The following MCC variants were observed in gnomAD, a reference collection of about 807,000 sequenced individuals.
The protein encoded by MCC is MCC regulator of Wnt signaling pathway, also known as colorectal mutant cancer protein.
A neutral mutation model predicts 116.2 loss-of-function variants in MCC; 90 were observed. That is an observed-to-expected ratio of 0.77 (90% CI 0.65 to 0.92). The LOEUF is 0.92. MCC is among the 40% of genes least tolerant of loss of function. The probability of loss-of-function intolerance (pLI) is 0.00; values close to 1 mark genes in which losing one functional copy is unlikely to be tolerated. For missense variants in MCC, 1,516 were observed against 1,312.2 expected (o/e 1.16, Z -2.40); for synonymous variants, 578 against 510.5 (o/e 1.13, Z -1.78).
At chr5:113,078,117 T>C (rs1456971927) in intron 11 of MCC, among the ~76,000 whole-genome samples, 1 of 152,198 alleles carries the variant, frequency 6.6e-6, no homozygotes, top group East Asian at 1.9e-4. Flanking sequence ...AGGAGTTGAA[T>C]CCCTGAATAG....
At chr5:113,120,667 C>T (rs890227840) in intron 6 of MCC, among the ~76,000 whole-genome samples, 8 of 152,306 alleles carry the variant, frequency 5.3e-5, no homozygotes, top group East Asian at 1.9e-4. Context: ...AACATGCTTC[C>T]GCCTAGTGGA....
At chr5:113,107,447 ACC>A (rs1340707007) in intron 6 of MCC, among the ~76,000 whole-genome samples, 2 of 151,992 alleles carry the variant, frequency 1.3e-5, no homozygotes, top group African/African-American at 4.8e-5. Flanking sequence ...CGAACTCCTG[ACC>A]TCAGTGCTTT....
At chr5:113,229,563 T>G (rs1376731581) in intron 3 of MCC, among the ~76,000 whole-genome samples, 1 of 152,168 alleles carries the variant, frequency 6.6e-6, no homozygotes, top group Non-Finnish European at 1.5e-5. Context: ...CTGCATGGGT[T>G]TAGGATACAA....
At chr5:113,260,818 T>C (rs1006320629) in intron 3 of MCC, among the ~76,000 whole-genome samples, 1 of 152,068 alleles carries the variant, frequency 6.6e-6, no homozygotes, top group Non-Finnish European at 1.5e-5. Context: ...TCTTCAGTAC[T>C]GGGAAGCTGT....
At chr5:113,417,400 T>C (rs1313670901) in intron 1 of MCC, among the ~76,000 whole-genome samples, 2 of 152,228 alleles carry the variant, frequency 1.3e-5, no homozygotes, top group Non-Finnish European at 2.9e-5. Flanking sequence ...AAGCTACCAG[T>C]GGCCATGCTT....
chr5:113,101,701 C>G, intron 8 of MCC, 38 bp downstream of exon 8: 3 of 1,606,808 alleles, frequency 1.9e-6, no homozygotes, highest in Non-Finnish European at 2.5e-6. Context: ...GCCCCATGCC[C>G]AGGAAGGGCC....
At chr5:113,339,607 G>A (rs1767961512) in intron 3 of MCC, among the ~76,000 whole-genome samples, 1 of 152,002 alleles carries the variant, frequency 6.6e-6, no homozygotes, top group Non-Finnish European at 1.5e-5. Flanking sequence ...GAGGAGTTTT[G>A]GTTACGTATT....
At chr5:113,432,067 C>T (rs1183463351) in intron 1 of MCC, among the ~76,000 whole-genome samples, 4 of 151,892 alleles carry the variant, frequency 2.6e-5, no homozygotes, top group African/African-American at 7.3e-5. Flanking sequence ...ACCCGGGAGG[C>T]GGAGGTTTTG....
chr5:113,197,701 A>C (rs1762480580), intron 3 of MCC, among the ~76,000 whole-genome samples: 2 of 152,186 alleles, frequency 1.3e-5, no homozygotes. Flanking sequence ...TATTCCATTC[A>C]AACCTCACAG....
chr5:113,139,905 A>G (rs1759080458), intron 5 of MCC, among the ~76,000 whole-genome samples: 1 of 152,106 alleles, frequency 6.6e-6, no homozygotes, highest in African/African-American at 2.4e-5. Context: ...CAACAGCAAA[A>G]AAGCAAAAAT....
chr5:113,172,742 C>T (rs944115582), intron 3 of MCC, among the ~76,000 whole-genome samples: 8 of 152,196 alleles, frequency 5.3e-5, no homozygotes, highest in African/African-American at 1.7e-4. Context: ...AGAACAAATT[C>T]GTGGAAATAG....
intron 7 of MCC, 28 bp from the exon 8 acceptor site, chr5:113,101,973 C>G: frequency 6.2e-7 from 1 of 1,610,716 alleles, no homozygotes; most frequent in Non-Finnish European, 8.5e-7. Context: ...AAAGAAAAGT[C>G]AAGTAAGTTA....
chr5:113,370,333 GTTC>G (rs1463422786), intron 2 of MCC, among the ~76,000 whole-genome samples: 1 of 152,196 alleles, frequency 6.6e-6, no homozygotes, highest in African/African-American at 2.4e-5. Context: ...ATGGAAGCCT[GTTC>G]TTCTTTGACA....
intron 1 of MCC, among the ~76,000 whole-genome samples, chr5:113,396,571 G>A (rs2150397165): frequency 6.6e-6 from 1 of 152,182 alleles, no homozygotes; most frequent in East Asian, 1.9e-4. Context: ...AAGATGCAGA[G>A]GCTGCAGTGA....
intron 3 of MCC, among the ~76,000 whole-genome samples, chr5:113,291,208 C>T (rs1199585254): frequency 6.6e-6 from 1 of 152,198 alleles, no homozygotes. Context: ...TCATGCCCAA[C>T]ACCCATCCCT....
At chr5:113,409,321 G>A (rs77969335) in intron 1 of MCC, among the ~76,000 whole-genome samples, 4 of 151,904 alleles carry the variant, frequency 2.6e-5, no homozygotes, top group African/African-American at 7.3e-5. Context: ...CAACAAAAAC[G>A]CAACATCCAC....
intron 16 of MCC, among the ~76,000 whole-genome samples, chr5:113,043,956 G>T (rs183578864): frequency 6.6e-6 from 1 of 152,020 alleles, no homozygotes; most frequent in Non-Finnish European, 1.5e-5. Context: ...TCTGAGGCAG[G>T]AACTATCATT....
At chr5:113,384,449 G>A (rs920119115) in intron 2 of MCC, among the ~76,000 whole-genome samples, 11 of 152,074 alleles carry the variant, frequency 7.2e-5, no homozygotes, top group African/African-American at 1.7e-4. Context: ...TTAGCTGGGC[G>A]TGGTAGCAGG....
intron 3 of MCC, among the ~76,000 whole-genome samples, chr5:113,294,136 T>C (rs1766620042): frequency 6.6e-6 from 1 of 152,140 alleles, no homozygotes; most frequent in Non-Finnish European, 1.5e-5. Context: ...ATCAAGCCAG[T>C]TCAGGTCATT....
Sources: allele counts gnomAD v4.1 joint callset (sites outside exome capture counted in the v4.1 genomes callset), GRCh38; gene constraint gnomAD v4.1.1; transcripts MANE v1.5; gene names NCBI Gene and HGNC (gene_info 2026-07-23, HGNC 2026-07-21).